DNM2: variants seen among roughly 807,000 people sequenced by gnomAD.
The protein encoded by DNM2 is dynamin-2.
DNM2 carries 15 observed loss-of-function variants against 99.0 expected under a neutral mutation model. The ratio of observed to expected loss-of-function variants is 0.15; its 90% confidence interval spans 0.10 to 0.23. DNM2 has a LOEUF of 0.23. DNM2 is among the 10% of genes least tolerant of loss of function. The pLI, the probability that DNM2 is intolerant of heterozygous loss-of-function variation, is 1.00. For synonymous variants in DNM2, 525 were observed against 481.2 expected (o/e 1.09, Z -1.19); for missense variants, 742 against 1,189.4 (o/e 0.62, Z 5.53).
At position 10,831,427 on chromosome 19, in the gene DNM2, A is replaced by G; in HGVS notation, c.*380A>G. ...CAGGCCTTCTATAAGTGCGGGCACC[A>G]AGGGCGCCTACATCCCCAGGCCTTG... On this transcript the variant is annotated 3_prime_UTR_variant, in exon 21 of 21. Coordinates refer to ENST00000389253, the MANE Select transcript of DNM2 (RefSeq NM_001005361.3). The surrounding 1 kb of genome is among the most constrained non-coding windows in gnomAD (Gnocchi z 4.3). 1 of 1,019,994 alleles carries G rather than the reference A, an allele frequency of 9.8e-7. No homozygotes were observed. Among genetic ancestry groups the G allele is most frequent in the Non-Finnish European group, 1.2e-6 (1 of 852,788 alleles). 63.2% of individuals were successfully genotyped at this position (1,019,994 alleles called of 1,614,324 possible). A position where few individuals can be genotyped will look rare whatever the true frequency, so the allele number is the denominator to read the frequency against.
rs1214536243 is a variant in DNM2 at position 10,765,630 on chromosome 19, A to C, written c.235+5819A>C. 6.6e-6 allele frequency among the ~76,000 whole-genome samples: 1 copy of C among 152,174 alleles called. No homozygotes were observed. On this transcript the variant is annotated intron_variant, in intron 2 of 20. Coordinates refer to ENST00000389253, the MANE Select transcript of DNM2 (RefSeq NM_001005361.3). The surrounding 1 kb of genome is among the most constrained non-coding windows in gnomAD (Gnocchi z 4.4). ...ATTTGCGTATTGCCTCGGATTAGAG[A>C]GAACTCAAGGGCTAAATGGGCATGG...
chr19:10,778,505 A>G (rs1279086201), intron 5 of DNM2, among the ~76,000 whole-genome samples: 4 of 152,112 alleles, frequency 2.6e-5, no homozygotes, highest in African/African-American at 9.7e-5. Flanking sequence ...TTAAAAAGTT[A>G]GCTGGGCATG....
intron 7 of DNM2, among the ~76,000 whole-genome samples, chr19:10,791,853 A>G (rs2071764242): frequency 6.6e-6 from 1 of 152,196 alleles, no homozygotes; most frequent in African/African-American, 2.4e-5. Context: ...TGGGAGGCCA[A>G]GGCGGGCGGA....
At chr19:10,752,075 G>A (rs2070216598) in intron 1 of DNM2, among the ~76,000 whole-genome samples, 1 of 152,174 alleles carries the variant, frequency 6.6e-6, no homozygotes, top group African/African-American at 2.4e-5. Context: ...AGGTGGGCAC[G>A]TAAAAGAGAG....
chr19:10,738,328 A>G (rs2069606608), intron 1 of DNM2, among the ~76,000 whole-genome samples: 1 of 152,188 alleles, frequency 6.6e-6, no homozygotes, highest in African/African-American at 2.4e-5. Context: ...ATCAAAGGGC[A>G]CGAGGTGGCA....
At position 10,762,116 on chromosome 19, in the gene DNM2, C is replaced by T. The variant is rs560116014; in HGVS notation, c.235+2305C>T. On this transcript the variant is annotated intron_variant, in intron 2 of 20. Transcript: ENST00000389253. ...AGTACAGTGGCGGGTGATCTTGGCT[C>T]ACTGCCACCTCCGCCTTCCAAGTTC... Among the ~76,000 whole-genome samples the T allele has an allele frequency of 1.8e-3, 272 of 152,196 alleles. 1 individual carries two copies. Among genetic ancestry groups the T allele is most frequent in the African/African-American group, 6.2e-3 (259 of 41,546 alleles).
rs35547093 is a variant in DNM2 at position 10,823,359 on chromosome 19, T to C, written c.1782-429T>C. ...GGTGGAGGTTGCGGTGAGCCGAGAT[T>C]GCGCCATTGCACTCCAGCCTGGACA... On this transcript the variant is annotated intron_variant, in intron 16 of 20. Transcript: ENST00000389253. 2.7e-3 allele frequency: 414 copies of C among 150,728 alleles called. 1 individual carries two copies. Among genetic ancestry groups the C allele is most frequent in the Non-Finnish European group, 4.5e-3 (303 of 67,692 alleles). The allele number at this position is 150,728 out of a possible 1,614,324, so 9.3% of individuals were successfully genotyped here.
At chr19:10,774,840 G>A (rs1249236346) in intron 3 of DNM2, among the ~76,000 whole-genome samples, 3 of 150,144 alleles carry the variant, frequency 2.0e-5, no homozygotes, top group Non-Finnish European at 4.4e-5. Context: ...ACAGTGGTGA[G>A]ATCTTGGCTC....
intron 1 of DNM2, chr19:10,755,013 T>A (rs1568280805): frequency 1.3e-5 from 2 of 152,240 alleles, no homozygotes; most frequent in Non-Finnish European, 2.9e-5. Context: ...AGGGAACCAC[T>A]GCCCTGATTT....
chr19:10,807,487 G>A (rs1001083179), intron 13 of DNM2, among the ~76,000 whole-genome samples: 3 of 142,922 alleles, frequency 2.1e-5, no homozygotes, highest in Non-Finnish European at 3.0e-5. Context: ...TGATCCACCC[G>A]CCTCGGCCTC....
chr19:10,798,408 T>A, intron 10 of DNM2, 78 bp from the exon 11 acceptor site: 1 of 1,061,586 alleles, frequency 9.4e-7, no homozygotes, highest in Non-Finnish European at 1.4e-6. Flanking sequence ...CCCCTCCGCA[T>A]TTTCTACCTG....
intron 17 of DNM2, 86 bp downstream of exon 17, chr19:10,823,985 C>T (rs1051785911): frequency 1.5e-6 from 2 of 1,326,016 alleles, no homozygotes; most frequent in African/African-American, 1.5e-5. Flanking sequence ...AGGTCATTTT[C>T]AGGCCATGTT....
Position 10,831,752 on chromosome 19 carries a change from C to G in DNM2, c.*705C>G. On this transcript the variant is annotated 3_prime_UTR_variant, in exon 21 of 21. Coordinates refer to ENST00000389253, the MANE Select transcript of DNM2 (RefSeq NM_001005361.3). This position sits in a 1 kb window ranked among gnomAD's most constrained non-coding sequence, Gnocchi z 4.3. ...TGGTGGCGGGGGGTCTTGGGGGCCT[C>G]TCAGCTCCCGCCCATGCCTCCCTGA... is the stretch of plus-strand genomic sequence containing the variant. The G allele has an allele frequency of 1.0e-6, 1 of 986,522 alleles. No homozygotes were observed. Among genetic ancestry groups the G allele is most frequent in the African/African-American group, 1.7e-5 (1 of 57,374 alleles). The allele number at this position is 986,522 out of a possible 1,614,324, so 61.1% of individuals were successfully genotyped here. A position where few individuals can be genotyped will look rare whatever the true frequency, so the allele number is the denominator to read the frequency against.
In DNM2 at chr19:10,775,257, T is replaced by C. The variant is rs528936192; in HGVS notation, c.386-446T>C. On this transcript the variant is annotated intron_variant, in intron 3 of 20. Coordinates refer to ENST00000389253, the MANE Select transcript of DNM2 (RefSeq NM_001005361.3). This position sits in a 1 kb window ranked among gnomAD's most constrained non-coding sequence, Gnocchi z 4.3. ...CTACCACGCCCAGCTAATTTTTGTA[T>C]ACTTAGTACAGATGGGGTTTTGCCA... is the stretch of plus-strand genomic sequence containing the variant. Among the ~76,000 whole-genome samples the C allele has an allele frequency of 1.4e-4, 21 of 151,936 alleles. No homozygotes were observed. Among genetic ancestry groups the C allele is most frequent in the Non-Finnish European group, 2.9e-4 (20 of 68,004 alleles).
At chr19:10,755,299 T>C (rs1212355963) in intron 1 of DNM2, 1 of 152,182 alleles carries the variant, frequency 6.6e-6, no homozygotes. Context: ...CATCACATGC[T>C]GCTCCTGTGT....
At chr19:10,733,878 T>C (rs1197709877) in intron 1 of DNM2, among the ~76,000 whole-genome samples, 1 of 151,636 alleles carries the variant, frequency 6.6e-6, no homozygotes, top group Non-Finnish European at 1.5e-5. Flanking sequence ...TGTGGGGACA[T>C]GTGCCTGTAG....
Position 10,765,093 on chromosome 19 carries a change from G to A in DNM2, c.235+5282G>A, listed in dbSNP as rs1030154559. The stretch of plus-strand genomic sequence containing the variant: ...CTGTCTCAGCCTCCGGCGTAGCTGG[G>A]ACTACAGGCGCCCGCCACCTCGCCC... On this transcript the variant is annotated intron_variant, in intron 2 of 20. Transcript: ENST00000389253. The surrounding 1 kb of genome is among the most constrained non-coding windows in gnomAD (Gnocchi z 4.4). 2.6e-5 allele frequency among the ~76,000 whole-genome samples: 4 copies of A among 152,012 alleles called. No homozygotes were observed. Among genetic ancestry groups the A allele is most frequent in the Non-Finnish European group, 5.9e-5 (4 of 67,990 alleles).
chr19:10,730,407 C>T (rs765825956), intron 1 of DNM2, among the ~76,000 whole-genome samples: 2 of 151,894 alleles, frequency 1.3e-5, no homozygotes, highest in African/African-American at 2.4e-5. Context: ...GCTAGGGTAG[C>T]GGTGGAACTT....
At chr19:10,746,222 A>C (rs1004912813) in intron 1 of DNM2, among the ~76,000 whole-genome samples, 1 of 152,044 alleles carries the variant, frequency 6.6e-6, no homozygotes, top group Non-Finnish European at 1.5e-5. Flanking sequence ...CGGCCTTCCA[A>C]AGTGCTGGCA....
Sources: gnomAD v4.1 joint callset for allele counts (sites outside exome capture counted in the v4.1 genomes callset) on GRCh38, gnomAD v4.1.1 for gene constraint, Gnocchi (gnomAD v3.1) non-coding constraint, MANE v1.5 for transcripts, NCBI Gene and HGNC (gene_info 2026-07-23, HGNC 2026-07-21) for gene names.